The following MTA3 variants were observed in gnomAD, a reference collection of about 807,000 sequenced individuals.
MTA3 encodes metastasis associated 1 family member 3.
Under a neutral mutation model 83.5 loss-of-function variants are expected in MTA3, and 34 were observed. That is an observed-to-expected ratio of 0.41 (90% CI 0.31 to 0.54). The LOEUF is 0.54. Ranked by LOEUF, MTA3 falls within the 20% of genes least tolerant of loss-of-function variation. MTA3 has a pLI of 0.33. For missense variants in MTA3, 761 were observed against 726.4 expected, an observed-to-expected ratio of 1.05 and a Z score of -0.55; for synonymous variants, 303 against 252.7, an observed-to-expected ratio of 1.20 and a Z score of -1.89.
At chr2:42,724,020 A>G (rs569625210) in intron 16 of MTA3, among the ~76,000 whole-genome samples, 1 of 152,252 alleles carries the variant, frequency 6.6e-6, no homozygotes, top group East Asian at 1.9e-4. Context: ...GAATTTAGCT[A>G]CCCAGAAGTC....
At chr2:42,725,600 A>T (rs567157693) in intron 16 of MTA3, among the ~76,000 whole-genome samples, 1 of 152,242 alleles carries the variant, frequency 6.6e-6, no homozygotes, top group African/African-American at 2.4e-5. Context: ...GCTTATCACA[A>T]CCCAGAAGCT....
intron 3 of MTA3, among the ~76,000 whole-genome samples, chr2:42,587,148 G>A (rs1161212900): frequency 6.6e-6 from 1 of 152,050 alleles, no homozygotes; most frequent in Non-Finnish European, 1.5e-5. Context: ...AGCCAAGATC[G>A]TGTCACTGCA....
chr2:42,598,950 T>G (rs1195675103), intron 3 of MTA3, among the ~76,000 whole-genome samples: 2 of 152,172 alleles, frequency 1.3e-5, no homozygotes, highest in African/African-American at 4.8e-5. Context: ...AGTTGTCCCT[T>G]CCAGCCAGGA....
intron 16 of MTA3, among the ~76,000 whole-genome samples, chr2:42,738,965 GGTGCCC>G (rs1181869370): frequency 6.6e-6 from 1 of 152,166 alleles, no homozygotes; most frequent in African/African-American, 2.4e-5. Context: ...CAATGACAAT[GGTGCCC>G]GAAACTTCAT....
intron 4 of MTA3, among the ~76,000 whole-genome samples, chr2:42,615,248 G>T (rs911293503): frequency 3.3e-5 from 5 of 149,836 alleles, no homozygotes; most frequent in Non-Finnish European, 7.4e-5. Context: ...AAGATCTATT[G>T]TCTGTTTTTT....
chr2:42,660,235 C>T (rs1012957093), intron 8 of MTA3, among the ~76,000 whole-genome samples: 19 of 152,010 alleles, frequency 1.2e-4, no homozygotes, highest in Non-Finnish European at 2.5e-4. Flanking sequence ...ATTACAGGCA[C>T]GTGCCACCAC....
intron 2 of MTA3, among the ~76,000 whole-genome samples, chr2:42,533,638 C>G (rs980697360): frequency 1.3e-5 from 2 of 149,690 alleles, no homozygotes; most frequent in African/African-American, 4.9e-5. Flanking sequence ...TCGAGACCAT[C>G]CTGGCTAACA....
chr2:42,752,110 G>A (rs1669918423), intron 16 of MTA3: 12 of 462,016 alleles, frequency 2.6e-5, no homozygotes, highest in South Asian at 1.9e-4. Flanking sequence ...ATAACCTACA[G>A]TATGTTCAAT....
intron 6 of MTA3, among the ~76,000 whole-genome samples, chr2:42,651,896 C>G (rs1688752036): frequency 6.6e-6 from 1 of 151,720 alleles, no homozygotes; most frequent in South Asian, 2.1e-4. Context: ...GAGTTCAAGA[C>G]TAGCCTGGCC....
At chr2:42,504,210 G>T (rs960218432) in intron 2 of MTA3, among the ~76,000 whole-genome samples, 1 of 150,382 alleles carries the variant, frequency 6.6e-6, no homozygotes, top group African/African-American at 2.4e-5. Flanking sequence ...GTTTACAGGC[G>T]TGAGCTACCA....
chr2:42,699,360 C>A (rs1393133608), intron 11 of MTA3, among the ~76,000 whole-genome samples: 3 of 152,256 alleles, frequency 2.0e-5, no homozygotes, highest in East Asian at 3.9e-4. Flanking sequence ...CACCACCACA[C>A]CCGACTAATT....
chr2:42,646,114 C>T (rs1688156798), intron 6 of MTA3, among the ~76,000 whole-genome samples: 3 of 152,220 alleles, frequency 2.0e-5, no homozygotes, highest in African/African-American at 7.2e-5. Context: ...TAAATGACAG[C>T]ACCTCTATTT....
At chr2:42,568,835 G>A in intron 1 of MTA3, 62 bp downstream of exon 1, 26 of 1,208,936 alleles carry the variant, frequency 2.2e-5, no homozygotes, top group Non-Finnish European at 2.6e-5. Flanking sequence ...GGGGGCCGGG[G>A]CGAGTGCACG....
At chr2:42,617,981 G>A (rs1190813841) in intron 4 of MTA3, among the ~76,000 whole-genome samples, 2 of 151,536 alleles carry the variant, frequency 1.3e-5, no homozygotes, top group Non-Finnish European at 2.9e-5. Flanking sequence ...GTTTTGCTCT[G>A]TTGCCCAGGC....
chr2:42,678,757 T>TATCTTAGTTAATGCATC (rs1558574130), intron 8 of MTA3, among the ~76,000 whole-genome samples: 1 of 152,214 alleles, frequency 6.6e-6, no homozygotes, highest in African/African-American at 2.4e-5. Context: ...CCCTTATCAT[T>TATCTTAGTTAATGCATC]ATCTTAGTTA....
intron 2 of MTA3, among the ~76,000 whole-genome samples, chr2:42,519,519 T>A (rs1237557724): frequency 6.7e-6 from 1 of 150,226 alleles, no homozygotes; most frequent in African/African-American, 2.5e-5. Flanking sequence ...AGCAGGAGAA[T>A]CCCTTGAACC....
intron 2 of MTA3, among the ~76,000 whole-genome samples, chr2:42,527,099 A>C (rs1025797929): frequency 2.7e-5 from 4 of 148,536 alleles, no homozygotes; most frequent in African/African-American, 9.9e-5. Flanking sequence ...CCATTTGCGG[A>C]CTAGAGGTTA....
chr2:42,532,852 G>T, intron 2 of MTA3: 1 of 378,440 alleles, frequency 2.6e-6, no homozygotes, highest in South Asian at 2.6e-5. Flanking sequence ...GGAGCTGGCT[G>T]GCACTTCAGT....
rs916883159 is a variant in MTA3 at position 42,531,855 on chromosome 2, C to T, written c.-141+36601C>T. Among the ~76,000 whole-genome samples, 6 of 152,012 alleles carry T rather than the reference C, an allele frequency of 3.9e-5. No homozygotes were observed. In the South Asian group the frequency reaches 6.2e-4, roughly 16 times the overall value. ...CACTGCAAGCTCCGCCTCCTGGGTT[C>T]ACGCCATTCTCCCGCCTCAGCCTCC... On this transcript the variant is annotated intron_variant, in intron 2 of 17. Coordinates refer to the MTA3 transcript ENST00000405592.
Sources: gnomAD v4.1 joint callset for allele counts (sites outside exome capture counted in the v4.1 genomes callset) on GRCh38, gnomAD v4.1.1 for gene constraint, MANE v1.5 for transcripts, NCBI Gene and HGNC (gene_info 2026-07-23, HGNC 2026-07-21) for gene names.